Variants in TRABD2B observed in about 807,000 individuals in gnomAD.
TRABD2B encodes metalloprotease TIKI2.
In TRABD2B, 14 loss-of-function variants were observed where a neutral mutation model predicts 40.1. The ratio of observed to expected loss-of-function variants is 0.35; its 90% CI spans 0.23 to 0.55. The LOEUF is 0.55. Among genes scored for constraint, TRABD2B ranks in the 20% least tolerant of loss-of-function variants. TRABD2B has a pLI of 0.90. For synonymous variants in TRABD2B, 263 were observed against 277.0 expected (o/e 0.95, Z 0.50); for missense variants, 541 against 648.6 (o/e 0.83, Z 1.80).
At chr1:47,897,572 G>A (rs1207184552) in intron 2 of TRABD2B, among the ~76,000 whole-genome samples, 1 of 152,172 alleles carries the variant, frequency 6.6e-6, no homozygotes, top group Non-Finnish European at 1.5e-5. Context: ...GGAAGAAATA[G>A]CTCTTCTTTT....
chr1:47,906,665 G>A (rs1012156669), intron 2 of TRABD2B, among the ~76,000 whole-genome samples: 1 of 152,186 alleles, frequency 6.6e-6, no homozygotes, highest in African/African-American at 2.4e-5. Flanking sequence ...GCTGTCAGCC[G>A]GCTGTCAACC....
intron 2 of TRABD2B, among the ~76,000 whole-genome samples, chr1:47,939,697 G>GT (rs1262457756): frequency 6.6e-6 from 1 of 152,202 alleles, no homozygotes; most frequent in Non-Finnish European, 1.5e-5. Context: ...CAGTGTCACT[G>GT]TTACAGACAG....
chr1:47,817,515 A>G (rs1346596041), intron 2 of TRABD2B, among the ~76,000 whole-genome samples: 3 of 151,918 alleles, frequency 2.0e-5, no homozygotes, highest in Non-Finnish European at 4.4e-5. Context: ...AGGGAGAGAC[A>G]TGTCAGTGTA....
At chr1:47,859,116 A>G (rs1416438035) in intron 2 of TRABD2B, among the ~76,000 whole-genome samples, 3 of 152,110 alleles carry the variant, frequency 2.0e-5, no homozygotes, top group Admixed American at 2.0e-4. Context: ...GAGAGTTATC[A>G]TTTTCTGGGA....
chr1:47,912,370 GT>G (rs1644774360), intron 2 of TRABD2B, among the ~76,000 whole-genome samples: 1 of 152,250 alleles, frequency 6.6e-6, no homozygotes, highest in South Asian at 2.1e-4. Flanking sequence ...CAATGTGTGC[GT>G]TTTTTCAGTT....
chr1:47,909,069 C>A (rs188126292), intron 2 of TRABD2B, among the ~76,000 whole-genome samples: 1 of 152,380 alleles, frequency 6.6e-6, no homozygotes, highest in African/African-American at 2.4e-5. Flanking sequence ...GTGGCCTGTG[C>A]GGTTGGTCAC....
intron 2 of TRABD2B, chr1:47,819,224 G>A (rs1308621424): frequency 1.3e-5 from 2 of 152,238 alleles, no homozygotes; most frequent in African/African-American, 4.8e-5. Flanking sequence ...CCAAGGATGG[G>A]ACTCTCCAGC....
Position 47,889,877 on chromosome 1 carries a change from C to T in TRABD2B, c.667-88258G>A, listed in dbSNP as rs77405163. On this transcript the variant is annotated intron_variant, in intron 2 of 6. Transcript: ENST00000606738. The stretch of plus-strand genomic sequence containing the variant: ...GAAGACAATACTTAATGTCTTGAGG[C>T]GCAGTGTAGATTACATGGGTCAGAA... 4.7e-3 allele frequency among the ~76,000 whole-genome samples: 717 copies of T among 152,316 alleles called. 6 individuals are homozygous for T. Among genetic ancestry groups the T allele is most frequent in the African/African-American group, 0.017 (702 of 41,568 alleles).
intron 2 of TRABD2B, among the ~76,000 whole-genome samples, chr1:47,967,922 T>C (rs1312039131): frequency 6.6e-6 from 1 of 152,256 alleles, no homozygotes. Flanking sequence ...TCCAGATAAT[T>C]CATTTCGGTG....
chr1:47,963,708 G>A (rs1363672426), intron 2 of TRABD2B, among the ~76,000 whole-genome samples: 4 of 152,176 alleles, frequency 2.6e-5, no homozygotes, highest in Non-Finnish European at 5.9e-5. Context: ...GCTTGCATGT[G>A]TGGTACATTA....
At chr1:47,882,258 G>A (rs533015715) in intron 2 of TRABD2B, among the ~76,000 whole-genome samples, 52 of 152,266 alleles carry the variant, frequency 3.4e-4, no homozygotes, top group African/African-American at 1.3e-3. Context: ...CGTTGCATGG[G>A]ACTTCACTGT....
chr1:47,973,791 C>T (rs1329963707), intron 2 of TRABD2B, among the ~76,000 whole-genome samples: 1 of 152,160 alleles, frequency 6.6e-6, no homozygotes, highest in East Asian at 1.9e-4. Flanking sequence ...ATACCACAGG[C>T]AAAGCAATGT....
In TRABD2B at chr1:47,933,668, C is replaced by T. The variant is rs117290690; in HGVS notation, c.666+60366G>A. Among the ~76,000 whole-genome samples, 8 of 152,340 alleles carry T rather than the reference C, an allele frequency of 5.3e-5. No individual in the cohort carries two copies. The East Asian group carries it at 1.5e-3, about 29-fold the overall frequency. On this transcript the variant is annotated intron_variant, in intron 2 of 6. Transcript: ENST00000606738. ...TAGGTGCCCTTCCACTGGGGCTAAA[C>T]TCTTGCACACACTGCTCTGTTGGTA...
At chr1:47,837,996 C>G (rs1645342547) in intron 2 of TRABD2B, among the ~76,000 whole-genome samples, 1 of 152,244 alleles carries the variant, frequency 6.6e-6, no homozygotes, top group Non-Finnish European at 1.5e-5. Flanking sequence ...AAGTCCAGCC[C>G]TTAACCAGAA....
At chr1:47,924,029 G>A (rs1012736029) in intron 2 of TRABD2B, among the ~76,000 whole-genome samples, 1 of 151,260 alleles carries the variant, frequency 6.6e-6, no homozygotes, top group African/African-American at 2.4e-5. Flanking sequence ...GAGATTTATG[G>A]TCTAGAATGT....
At chr1:47,987,457 GTCT>G (rs1645935603) in intron 2 of TRABD2B, among the ~76,000 whole-genome samples, 1 of 152,280 alleles carries the variant, frequency 6.6e-6, no homozygotes, top group Non-Finnish European at 1.5e-5. Context: ...GAGCCTAGAA[GTCT>G]TCTTGCTGTG....
intron 2 of TRABD2B, among the ~76,000 whole-genome samples, chr1:47,871,215 G>A (rs984024115): frequency 2.0e-5 from 3 of 152,060 alleles, no homozygotes; most frequent in Admixed American, 2.0e-4. Flanking sequence ...AGAGTTACAG[G>A]GTGGAAGCTA....
chr1:47,832,261 A>C (rs914480331), intron 2 of TRABD2B, among the ~76,000 whole-genome samples: 1 of 151,942 alleles, frequency 6.6e-6, no homozygotes, highest in African/African-American at 2.4e-5. Flanking sequence ...TGAATCCGGG[A>C]GGCGGAGCTT....
chr1:47,899,773 G>C lies in TRABD2B; in HGVS notation c.666+94261C>G, dbSNP rs567698750. On this transcript the variant is annotated intron_variant, in intron 2 of 6. Coordinates refer to ENST00000606738, the MANE Select transcript of TRABD2B (RefSeq NM_001194986.2). ...ATGATAATGAGCCCTGGTTGTGGTG[G>C]ACAGGGCGATGCAGCCCCCAGGTCC... is the stretch of plus-strand genomic sequence containing the variant. Among the ~76,000 whole-genome samples the C allele has an allele frequency of 2.0e-5, 3 of 152,266 alleles. No individual in the cohort carries two copies. In the South Asian group the frequency reaches 6.2e-4, roughly 32 times the overall value.
Sources: gnomAD v4.1 joint callset for allele counts (sites outside exome capture counted in the v4.1 genomes callset) on GRCh38, gnomAD v4.1.1 for gene constraint, MANE v1.5 for transcripts, NCBI Gene and HGNC (gene_info 2026-07-23, HGNC 2026-07-21) for gene names.